Variants in C6 observed in about 807,000 individuals in gnomAD.
C6 encodes the protein complement component C6.
Under a neutral mutation model 112.9 loss-of-function variants are expected in C6, and 101 were observed. The observed-to-expected ratio is 0.89, with a 90% CI of 0.76 to 1.06. The LOEUF (loss-of-function observed/expected upper bound fraction) is 1.06. Among genes scored for constraint, C6 ranks in the 50% least tolerant of loss-of-function variants. C6 has a pLI of 0.00. For synonymous variants in C6, 431 were observed against 384.1 expected (o/e 1.12, Z -1.43); for missense variants, 1,202 against 1,104.6 (o/e 1.09, Z -1.25).
intron 1 of C6, among the ~76,000 whole-genome samples, chr5:41,258,288 T>A (rs1028917499): frequency 6.6e-6 from 1 of 152,180 alleles, no homozygotes; most frequent in African/African-American, 2.4e-5. Context: ...TTCATAAACT[T>A]CTTTATTCTA....
At chr5:41,215,178 C>T (rs549446961), upstream of C6, among the ~76,000 whole-genome samples, 1 of 152,198 alleles carries the variant, frequency 6.6e-6, no homozygotes, top group Non-Finnish European at 1.5e-5. Flanking sequence ...ACACAATTGG[C>T]CATTGTTTAT....
In C6 at chr5:41,225,030, T is replaced by A. The variant is rs960223813; in HGVS notation, c.-20-21780A>T. ...TTCATGTGCTTACTGGCCATTTGTA[T>A]GTCTTCCTTTGAGAAATGTCTATTC... On this transcript the variant is annotated intron_variant, in intron 1 of 17. Transcript: ENST00000263413. 6.4e-4 allele frequency among the ~76,000 whole-genome samples: 98 copies of A among 152,342 alleles called. 1 individual carries two copies. Among genetic ancestry groups the A allele is most frequent in the Admixed American group, 6.3e-3 (97 of 15,284 alleles).
At chr5:41,257,383 G>T (rs112728916) in intron 1 of C6, among the ~76,000 whole-genome samples, 1 of 151,816 alleles carries the variant, frequency 6.6e-6, no homozygotes, top group South Asian at 2.1e-4. Flanking sequence ...ACCTTTCCGT[G>T]GTATATGTAT....
At chr5:41,207,979 T>C (rs753774928) in intron 1 of C6, among the ~76,000 whole-genome samples, 32 of 152,168 alleles carry the variant, frequency 2.1e-4, no homozygotes, top group Non-Finnish European at 3.5e-4. Context: ...GAGTTGGAAG[T>C]AAAGCACTCC....
rs59756449 is a variant in C6 at position 41,186,355 on chromosome 5, T to TC, written c.588-148dup. The TC allele has an allele frequency of 6.6e-4, 554 of 838,106 alleles. 1 individual carries two copies. In the African/African-American group the frequency reaches 7.1e-3, roughly 11 times the overall value. The allele number at this position is 838,106 out of a possible 1,614,324, so 51.9% of individuals were successfully genotyped here. A position where few individuals can be genotyped will look rare whatever the true frequency, so the allele number is the denominator to read the frequency against. Reference sequence around the variant, plus strand: ...AATCCCCCACACCTCCGCTTTTTTTTCCTAGTCCATGGTGAGGCATGCAAG... The same window carrying TC: ...AATCCCCCACACCTCCGCTTTTTTTTCCCTAGTCCATGGTGAGGCATGCAAG... On this transcript the variant is annotated intron_variant, in intron 5 of 17. Coordinates refer to ENST00000337836, the MANE Select transcript of C6 (RefSeq NM_000065.5).
chr5:41,149,033 G>T (rs1746117894), intron 17 of C6, among the ~76,000 whole-genome samples: 1 of 152,128 alleles, frequency 6.6e-6, no homozygotes, highest in Non-Finnish European at 1.5e-5. Context: ...GAAAAGATTG[G>T]CAAGATATAC....
chr5:41,232,106 A>G (rs1002133676), intron 1 of C6, among the ~76,000 whole-genome samples: 1 of 152,006 alleles, frequency 6.6e-6, no homozygotes, highest in African/African-American at 2.4e-5. Context: ...TAACTATGAG[A>G]TTTTCAAAAA....
intron 1 of C6, among the ~76,000 whole-genome samples, chr5:41,226,454 C>T (rs188060764): frequency 4.3e-4 from 65 of 152,274 alleles, no homozygotes; most frequent in African/African-American, 1.5e-3. Flanking sequence ...CAGGAAACAA[C>T]AGGTGCTGGA....
chr5:41,191,066 G>GTTTTTTT (rs149339868), intron 5 of C6, among the ~76,000 whole-genome samples: 2 of 62,064 alleles, frequency 3.2e-5, no homozygotes, highest in African/African-American at 1.4e-4. Context: ...GATGCCTTTG[G>GTTTTTTT]CTTTTTTTTT....
chr5:41,201,511 C>G (rs1389938475), intron 3 of C6, 47 bp downstream of exon 3: 10 of 1,556,026 alleles, frequency 6.4e-6, no homozygotes, highest in Non-Finnish European at 8.9e-6. Context: ...GGAATCAGAG[C>G]CCTCTATTGT....
intron 1 of C6, among the ~76,000 whole-genome samples, chr5:41,246,754 A>C (rs1175032605): frequency 6.6e-6 from 1 of 152,208 alleles, no homozygotes; most frequent in East Asian, 1.9e-4. Flanking sequence ...TGCAATTCCT[A>C]CTTGATTGAG....
At chr5:41,164,339 CATGGCCCTAATATTAGGGAGACA>C in intron 9 of C6, among the ~76,000 whole-genome samples, 1 of 152,210 alleles carries the variant, frequency 6.6e-6, no homozygotes, top group Admixed American at 6.5e-5. Flanking sequence ...TTAGGGAGAT[CATGGCCCTAATATTAGGGAGACA>C]ATGGCCTTCT....
At chr5:41,173,455 T>A (rs1276438444) in intron 8 of C6, among the ~76,000 whole-genome samples, 2 of 152,182 alleles carry the variant, frequency 1.3e-5, no homozygotes, top group Admixed American at 6.5e-5. Context: ...CAACATTTTC[T>A]TTTTCTTAAC....
chr5:41,142,433 C>T lies in C6; in HGVS notation c.*392G>A, dbSNP rs780430648. 5 of 218,944 alleles carry T rather than the reference C, an allele frequency of 2.3e-5. No individual in the cohort carries two copies. The highest frequency in any genetic ancestry group is 4.7e-5 in the Non-Finnish European group (5 of 106,692). The allele number at this position is 218,944 out of a possible 1,614,324, so 13.6% of individuals were successfully genotyped here. On this transcript the variant is annotated 3_prime_UTR_variant, in exon 18 of 18. Coordinates refer to ENST00000337836, the MANE Select transcript of C6 (RefSeq NM_000065.5). The stretch of plus-strand genomic sequence containing the variant: ...AAAGCTGGGCTTCAAGAATGTGTTT[C>T]AGAGGTTCTGGAGATTTCTGTTTAT...
At chr5:41,155,906 T>C (rs13158601) in intron 13 of C6, among the ~76,000 whole-genome samples, 47,479 of 151,994 alleles carry the variant, frequency 0.31, 7,832 homozygotes, top group Non-Finnish European at 0.38. Context: ...AGCAAACATA[T>C]GCAGTTGCTA....
chr5:41,199,335 T>C (rs1750836984), intron 4 of C6, among the ~76,000 whole-genome samples: 1 of 152,158 alleles, frequency 6.6e-6, no homozygotes, highest in Non-Finnish European at 1.5e-5. Context: ...CCAACTGTTT[T>C]TGTAAAGAAA....
At chr5:41,172,548 C>T (rs1748517707) in intron 8 of C6, 3 of 618,372 alleles carry the variant, frequency 4.9e-6, no homozygotes, top group Middle Eastern at 4.2e-4. Context: ...TGATCCTGAA[C>T]AGGAGTCCCG....
Position 41,154,925 on chromosome 5 carries a change from A to G in C6, c.2101+47T>C, listed in dbSNP as rs185436515. The G allele has an allele frequency of 8.3e-5, 132 of 1,596,142 alleles. No homozygotes were observed. In the African/African-American group the frequency reaches 1.5e-3, roughly 18 times the overall value. ...ATTTTACTGTTTTTATATTGGGCAC[A>G]TTCATTCTGTAAAGTAGTCAAGCAA... On this transcript the variant is annotated intron_variant, in intron 14 of 17. Coordinates refer to ENST00000337836, the MANE Select transcript of C6 (RefSeq NM_000065.5).
intron 16 of C6, 38 bp downstream of exon 16, chr5:41,149,897 T>C (rs759697810): frequency 9.9e-6 from 14 of 1,412,802 alleles, no homozygotes; most frequent in Non-Finnish European, 1.4e-5. Flanking sequence ...AGACTGGTTT[T>C]CCCAATTTCC....
Sources: allele counts gnomAD v4.1 joint callset (sites outside exome capture counted in the v4.1 genomes callset), GRCh38; gene constraint gnomAD v4.1.1; transcripts MANE v1.5; gene names NCBI Gene and HGNC (gene_info 2026-07-23, HGNC 2026-07-21).